ZMAT4: variants seen among roughly 807,000 people sequenced by gnomAD.
The protein encoded by ZMAT4 is zinc finger matrin-type protein 4.
ZMAT4 carries 17 observed loss-of-function variants against 28.7 expected under a neutral mutation model. The observed-to-expected ratio is 0.59, with a 90% CI of 0.41 to 0.89. ZMAT4 has a LOEUF of 0.89. ZMAT4 is among the 40% of genes least tolerant of loss of function. The pLI, the probability that ZMAT4 is intolerant of heterozygous loss-of-function variation, is 0.00. For synonymous variants in ZMAT4, 117 were observed against 109.2 expected, an observed-to-expected ratio of 1.07 and a Z score of -0.44; for missense variants, 240 against 283.8, an observed-to-expected ratio of 0.85 and a Z score of 1.11.
intron 5 of ZMAT4, among the ~76,000 whole-genome samples, chr8:40,651,698 C>A (rs1807659887): frequency 6.6e-6 from 1 of 151,910 alleles, no homozygotes; most frequent in South Asian, 2.1e-4. Context: ...CTACAGTAAC[C>A]AAAACAGCAT....
At chr8:40,649,200 C>T (rs980516285) in intron 5 of ZMAT4, among the ~76,000 whole-genome samples, 3 of 152,022 alleles carry the variant, frequency 2.0e-5, no homozygotes, top group Admixed American at 6.6e-5. Context: ...CAGAGACACA[C>T]ATAGACTCAA....
intron 2 of ZMAT4, among the ~76,000 whole-genome samples, chr8:40,770,695 G>A (rs1431383647): frequency 4.6e-5 from 7 of 151,904 alleles, no homozygotes; most frequent in Non-Finnish European, 8.8e-5. Context: ...TTATAGGAGC[G>A]TGCCACCACG....
chr8:40,690,423 C>G (rs550038216), intron 4 of ZMAT4, among the ~76,000 whole-genome samples: 1 of 152,310 alleles, frequency 6.6e-6, no homozygotes, highest in African/African-American at 2.4e-5. Context: ...AAAACATCAA[C>G]TGGAACAAAT....
chr8:40,691,030 G>T, intron 4 of ZMAT4: 1 of 600,480 alleles, frequency 1.7e-6, no homozygotes, highest in Non-Finnish European at 2.1e-6. Context: ...CTTGGATTTT[G>T]AAATGTTCTA....
At chr8:40,563,277 G>T (rs1267064782) in intron 6 of ZMAT4, among the ~76,000 whole-genome samples, 1 of 152,076 alleles carries the variant, frequency 6.6e-6, no homozygotes, top group African/African-American at 2.4e-5. Context: ...TCCTTAAATG[G>T]TATATAAAGT....
At chr8:40,767,316 C>T (rs1213453421) in intron 3 of ZMAT4, among the ~76,000 whole-genome samples, 1 of 152,098 alleles carries the variant, frequency 6.6e-6, no homozygotes, top group Non-Finnish European at 1.5e-5. Flanking sequence ...CCCCTGAGGT[C>T]CTGTCTTCTT....
intron 2 of ZMAT4, among the ~76,000 whole-genome samples, chr8:40,783,312 C>CATGAT (rs1406552854): frequency 6.6e-6 from 1 of 152,136 alleles, no homozygotes; most frequent in African/African-American, 2.4e-5. Context: ...AAGGGGCACA[C>CATGAT]ATGATATGAT....
At chr8:40,823,845 C>G (rs1277211116) in intron 2 of ZMAT4, among the ~76,000 whole-genome samples, 1 of 152,152 alleles carries the variant, frequency 6.6e-6, no homozygotes, top group East Asian at 1.9e-4. Context: ...TTAACAATGA[C>G]TATACGAATT....
Position 40,532,040 on chromosome 8 carries a change from A to T in ZMAT4, c.*183T>A. On this transcript the variant is annotated 3_prime_UTR_variant, in exon 7 of 7. Coordinates refer to ENST00000297737, the MANE Select transcript of ZMAT4 (RefSeq NM_024645.3). ...CATAACTTACCCCAAAATTAAAAAA[A>T]GGAAAAAGAAAAAAGAAACCTCATT... The T allele has an allele frequency of 2.2e-6, 1 of 455,754 alleles. No individual in the cohort carries two copies. Among genetic ancestry groups the T allele is most frequent in the East Asian group, 3.6e-5 (1 of 28,090 alleles). 28.2% of individuals were successfully genotyped at this position (455,754 alleles called of 1,614,324 possible). A position where few individuals can be genotyped will look rare whatever the true frequency, so the allele number is the denominator to read the frequency against.
intron 3 of ZMAT4, among the ~76,000 whole-genome samples, chr8:40,706,060 G>A (rs1037700166): frequency 2.8e-4 from 42 of 151,988 alleles, no homozygotes; most frequent in African/African-American, 8.4e-4. Flanking sequence ...ATTTATTATT[G>A]GTTGTTTTTT....
chr8:40,801,480 C>T (rs1814846011), intron 2 of ZMAT4, among the ~76,000 whole-genome samples: 1 of 150,678 alleles, frequency 6.6e-6, no homozygotes, highest in Non-Finnish European at 1.5e-5. Context: ...CAAGCGTGGC[C>T]AACATGCTGA....
chr8:40,675,605 G>C (rs981845623), intron 4 of ZMAT4, among the ~76,000 whole-genome samples: 4 of 152,112 alleles, frequency 2.6e-5, no homozygotes, highest in Admixed American at 2.0e-4. Context: ...AGTAAACATT[G>C]GACAGTCATG....
chr8:40,579,185 G>C (rs1160899830), intron 6 of ZMAT4, among the ~76,000 whole-genome samples: 2 of 152,140 alleles, frequency 1.3e-5, no homozygotes, highest in Non-Finnish European at 2.9e-5. Context: ...ACATTTTTCT[G>C]AATCTGGAGG....
intron 6 of ZMAT4, among the ~76,000 whole-genome samples, chr8:40,558,887 C>G (rs1313572587): frequency 6.6e-6 from 1 of 152,028 alleles, no homozygotes; most frequent in Admixed American, 6.6e-5. Context: ...ATAAGACTGA[C>G]AGAACAGAGG....
At chr8:40,747,946 A>T (rs1812306352) in intron 3 of ZMAT4, among the ~76,000 whole-genome samples, 2 of 152,244 alleles carry the variant, frequency 1.3e-5, no homozygotes, top group African/African-American at 4.8e-5. Flanking sequence ...CTTTTACAAT[A>T]AAATATCAAA....
chr8:40,793,488 G>A (rs1324573872), intron 2 of ZMAT4, among the ~76,000 whole-genome samples: 4 of 152,170 alleles, frequency 2.6e-5, no homozygotes, highest in Non-Finnish European at 5.9e-5. Context: ...TTTCCTAATA[G>A]CATGATTTAA....
intron 1 of ZMAT4, among the ~76,000 whole-genome samples, chr8:40,896,585 T>C (rs374455719): frequency 1.1e-4 from 17 of 152,208 alleles, no homozygotes; most frequent in African/African-American, 4.1e-4. Flanking sequence ...ACCTACCTAA[T>C]ATCTCCCTTT....
intron 2 of ZMAT4, among the ~76,000 whole-genome samples, chr8:40,781,938 T>G (rs1037996467): frequency 2.6e-5 from 4 of 152,134 alleles, no homozygotes; most frequent in African/African-American, 9.7e-5. Context: ...ATACAGAAGT[T>G]AACTCAAAAT....
chr8:40,676,509 T>A (rs1470858218), intron 4 of ZMAT4, among the ~76,000 whole-genome samples: 2 of 152,102 alleles, frequency 1.3e-5, no homozygotes, highest in Non-Finnish European at 2.9e-5. Context: ...AAAGCTGAGG[T>A]CCGAGACCTC....
Sources: gnomAD v4.1 joint callset for allele counts (sites outside exome capture counted in the v4.1 genomes callset) on GRCh38, gnomAD v4.1.1 for gene constraint, MANE v1.5 for transcripts, NCBI Gene and HGNC (gene_info 2026-07-23, HGNC 2026-07-21) for gene names.